The following NCOA1 variants were observed in gnomAD, a reference collection of about 807,000 sequenced individuals.
NCOA1 encodes nuclear receptor coactivator 1, also known as Hin-2 protein.
NCOA1 carries 35 observed loss-of-function variants against 150.9 expected under a neutral mutation model. That is an observed-to-expected ratio of 0.23 (90% confidence interval 0.18 to 0.31). NCOA1 has a LOEUF of 0.31. NCOA1 is among the 10% of genes least tolerant of loss of function. The pLI, the probability that NCOA1 is intolerant of heterozygous loss-of-function variation, is 1.00. For synonymous variants in NCOA1, 590 were observed against 630.0 expected (o/e 0.94, Z 0.95); for missense variants, 1,491 against 1,749.3 (o/e 0.85, Z 2.63).
At chr2:24,763,586 G>A (rs1413895590) in intron 22 of NCOA1, among the ~76,000 whole-genome samples, 3 of 138,594 alleles carry the variant, frequency 2.2e-5, no homozygotes, top group African/African-American at 8.0e-5. Flanking sequence ...ATTCACTTTC[G>A]TAACTTTGGT....
intron 1 of NCOA1, among the ~76,000 whole-genome samples, chr2:24,553,289 G>C (rs975678108): frequency 6.6e-6 from 1 of 151,874 alleles, no homozygotes; most frequent in Non-Finnish European, 1.5e-5. Context: ...GGCGATCTTG[G>C]CTTACTGCAG....
At chr2:24,551,293 G>C (rs1665820760) in intron 1 of NCOA1, among the ~76,000 whole-genome samples, 3 of 152,018 alleles carry the variant, frequency 2.0e-5, no homozygotes, top group African/African-American at 7.2e-5. Flanking sequence ...CAAATATTCT[G>C]CCCATTATTT....
chr2:24,499,540 T>A (rs1326225243), intron 1 of NCOA1, among the ~76,000 whole-genome samples: 2 of 152,148 alleles, frequency 1.3e-5, no homozygotes, highest in Non-Finnish European at 2.9e-5. Context: ...CTTTTTTTTT[T>A]AAGCAGTAAG....
intron 1 of NCOA1, among the ~76,000 whole-genome samples, chr2:24,553,129 T>C (rs1465822308): frequency 2.0e-5 from 3 of 152,196 alleles, no homozygotes; most frequent in Admixed American, 2.0e-4. Flanking sequence ...AGCTATAGAT[T>C]TGTTATAGAT....
chr2:24,601,612 C>CTTTTTTTTTTTTTT (rs112063269), intron 3 of NCOA1, among the ~76,000 whole-genome samples: 1 of 131,986 alleles, frequency 7.6e-6, no homozygotes, highest in African/African-American at 2.7e-5. Flanking sequence ...CTCCTTCCTC[C>CTTTTTTTTTTTTTT]TTTTTTTTTT....
At chr2:24,740,199 A>T (rs1039272587) in intron 18 of NCOA1, among the ~76,000 whole-genome samples, 1 of 152,220 alleles carries the variant, frequency 6.6e-6, no homozygotes, top group Admixed American at 6.5e-5. Context: ...CACAATATGG[A>T]ACTAGATGGA....
chr2:24,495,166 G>A (rs978687135), intron 1 of NCOA1, among the ~76,000 whole-genome samples: 7 of 141,138 alleles, frequency 5.0e-5, no homozygotes, highest in African/African-American at 1.5e-4. Context: ...TTGGATTAAT[G>A]TATAGAAATG....
intron 1 of NCOA1, among the ~76,000 whole-genome samples, chr2:24,521,893 T>C (rs1403413112): frequency 6.6e-6 from 1 of 152,166 alleles, no homozygotes; most frequent in Non-Finnish European, 1.5e-5. Flanking sequence ...CCAAAACTTG[T>C]TATCTTTTTT....
chr2:24,567,981 T>C (rs1572428784), intron 2 of NCOA1, among the ~76,000 whole-genome samples: 2 of 152,272 alleles, frequency 1.3e-5, no homozygotes, highest in East Asian at 3.9e-4. Context: ...TGACCTCAAG[T>C]GATCTGCCCA....
intron 1 of NCOA1, among the ~76,000 whole-genome samples, chr2:24,495,983 A>T (rs1241829489): frequency 1.3e-5 from 2 of 151,980 alleles, no homozygotes; most frequent in African/African-American, 2.4e-5. Flanking sequence ...AATTTCTCAA[A>T]TTTTTTCCTT....
intron 4 of NCOA1, among the ~76,000 whole-genome samples, chr2:24,646,681 C>T (rs1411653418): frequency 2.0e-5 from 3 of 150,046 alleles, no homozygotes; most frequent in African/African-American, 7.3e-5. Flanking sequence ...GATGGAGATT[C>T]ATGGATTTTT....
chr2:24,639,877 G>T (rs1670101870), intron 3 of NCOA1, among the ~76,000 whole-genome samples: 2 of 136,194 alleles, frequency 1.5e-5, no homozygotes, highest in African/African-American at 5.6e-5. Context: ...GACAGTGCGA[G>T]ACTCTGTCTC....
chr2:24,569,599 C>T (rs1422141695), intron 2 of NCOA1, among the ~76,000 whole-genome samples: 3 of 112,108 alleles, frequency 2.7e-5, no homozygotes, highest in African/African-American at 3.4e-5. Context: ...GGGCTAGGTA[C>T]GGTAGCTCAG....
chr2:24,728,970 C>T (rs1341889541), intron 16 of NCOA1, among the ~76,000 whole-genome samples: 1 of 152,234 alleles, frequency 6.6e-6, no homozygotes, highest in Admixed American at 6.5e-5. Context: ...CAGCTGCATA[C>T]AAACACACAC....
intron 1 of NCOA1, among the ~76,000 whole-genome samples, chr2:24,500,879 AG>A (rs1181144714): frequency 6.6e-6 from 1 of 152,256 alleles, no homozygotes; most frequent in African/African-American, 2.4e-5. Flanking sequence ...CTGTAGGGAA[AG>A]GATATTGAAA....
intron 14 of NCOA1, among the ~76,000 whole-genome samples, chr2:24,723,774 G>C (rs1203885675): frequency 6.6e-6 from 1 of 151,930 alleles, no homozygotes; most frequent in African/African-American, 2.4e-5. Context: ...TTAGAAAAAT[G>C]AGTTCTTTGT....
At chr2:24,637,782 G>A (rs1262930390) in intron 3 of NCOA1, among the ~76,000 whole-genome samples, 5 of 152,028 alleles carry the variant, frequency 3.3e-5, no homozygotes, top group African/African-American at 4.8e-5. Context: ...CGCAACCTCC[G>A]CCTTCTAGGT....
intron 3 of NCOA1, among the ~76,000 whole-genome samples, chr2:24,609,142 T>C (rs1470526479): frequency 6.6e-6 from 1 of 152,220 alleles, no homozygotes; most frequent in African/African-American, 2.4e-5. Flanking sequence ...ACATGGGAAT[T>C]AAGTTTCACC....
chr2:24,687,984 T>C (rs967813821), intron 8 of NCOA1, among the ~76,000 whole-genome samples: 1 of 152,204 alleles, frequency 6.6e-6, no homozygotes, highest in Non-Finnish European at 1.5e-5. Flanking sequence ...TAGCTCACAC[T>C]CATAAGTGAG....
Sources: allele counts gnomAD v4.1 joint callset (sites outside exome capture counted in the v4.1 genomes callset), GRCh38; gene constraint gnomAD v4.1.1; transcripts MANE v1.5; gene names NCBI Gene and HGNC (gene_info 2026-07-23, HGNC 2026-07-21).